Variants in ANAPC1 observed in about 807,000 individuals in gnomAD.
The protein encoded by ANAPC1 is anaphase promoting complex subunit 1, also known as anaphase-promoting complex subunit 1.
A neutral mutation model predicts 208.0 loss-of-function variants in ANAPC1; 36 were observed. The observed-to-expected ratio is 0.17, with a 90% confidence interval of 0.13 to 0.23. The LOEUF is 0.23. Ranked by LOEUF, ANAPC1 falls within the 10% of genes least tolerant of loss-of-function variation. The pLI is 1.00. For missense variants in ANAPC1, 942 were observed against 2,011.6 expected (o/e 0.47, Z 10.17); for synonymous variants, 378 against 695.2 (o/e 0.54, Z 7.18).
intron 3 of ANAPC1, among the ~76,000 whole-genome samples, chr2:111,878,278 C>T (rs1055888034): frequency 3.3e-5 from 5 of 152,222 alleles, no homozygotes; most frequent in African/African-American, 1.2e-4. Flanking sequence ...TCTCTAAGTA[C>T]AAGTTTTCCT....
At chr2:111,851,323 G>C (rs1001712191) in intron 13 of ANAPC1, among the ~76,000 whole-genome samples, 10 of 152,018 alleles carry the variant, frequency 6.6e-5, no homozygotes, top group African/African-American at 2.4e-4. Context: ...GGCTGGTCTT[G>C]AACTTCTGGG....
intron 13 of ANAPC1, among the ~76,000 whole-genome samples, chr2:111,852,770 G>A (rs1445995125): frequency 6.6e-6 from 1 of 151,942 alleles, no homozygotes; most frequent in Non-Finnish European, 1.5e-5. Context: ...AGACAAATAT[G>A]TAACAGAGAC....
At position 111,863,788 on chromosome 2, in the gene ANAPC1, G is replaced by A. The variant is rs150524035; in HGVS notation, c.939C>T (p.Ser313=). 6.2e-7 allele frequency: 1 copy of A among 1,613,820 alleles called. No individual in the cohort carries two copies. The highest frequency in any genetic ancestry group is 1.3e-5 in the African/African-American group (1 of 74,908). Residue 313 remains serine, a synonymous_variant, in exon 9 of 48, where the codon TCC becomes TCT. Coordinates refer to ENST00000341068, the MANE Select transcript of ANAPC1 (RefSeq NM_022662.4). The stretch of plus-strand genomic sequence containing the variant: ...AATTCTGGAAAGGTGAAGTCACAGG[G>A]GAATCTCCTTTGGAGAGGCTTCTGA... ...AHLRSLSKGD[S]PVTSPFQNYS...
intron 6 of ANAPC1, among the ~76,000 whole-genome samples, chr2:111,870,464 C>A (rs1389343897): frequency 1.3e-5 from 2 of 152,156 alleles, no homozygotes; most frequent in Non-Finnish European, 2.9e-5. Flanking sequence ...TTTCTCTGAT[C>A]ATTAGTGATA....
intron 38 of ANAPC1, 83 bp from the exon 39 acceptor site, chr2:111,788,403 G>A: frequency 3.9e-6 from 6 of 1,551,954 alleles, no homozygotes; most frequent in Non-Finnish European, 5.2e-6. Context: ...CAGGAAACTG[G>A]TGTATAATAG....
intron 29 of ANAPC1, among the ~76,000 whole-genome samples, chr2:111,807,648 C>T (rs891271231): frequency 5.9e-5 from 9 of 151,584 alleles, no homozygotes; most frequent in Non-Finnish European, 1.0e-4. Flanking sequence ...GCCAAGATTG[C>T]ACCACTGTAC....
Position 111,856,666 on chromosome 2 carries a change from A to G in ANAPC1, c.1463T>C (p.Met488Thr). Residue 488 changes from methionine (M) to threonine (T), a missense_variant, in exon 13 of 48, where the codon ATG (methionine) becomes ACG (threonine). Met to Thr is a moderately conservative substitution (Grantham distance 81, BLOSUM62 -1). Coordinates refer to ENST00000341068, the MANE Select transcript of ANAPC1 (RefSeq NM_022662.4). ...GTTTCCACTGCCTTCCAAGACCAGC[A>G]TGGTGTCTATTTTCTAAAAAAACAA... ...DAAPVEKIDT[M>T]LVLEGSGNLV... 2 of 1,613,932 alleles carry G rather than the reference A, an allele frequency of 1.2e-6. No homozygotes were observed.
chr2:111,783,267 C>G (rs1677379827), intron 42 of ANAPC1, among the ~76,000 whole-genome samples: 2 of 152,342 alleles, frequency 1.3e-5, no homozygotes, highest in South Asian at 4.1e-4. Flanking sequence ...ACCCAAATCT[C>G]ATGTCAAACT....
Position 111,879,502 on chromosome 2 carries a change from A to C in ANAPC1, c.214-531T>G, listed in dbSNP as rs149134767. ...CCCTCCCCGAGATTTTAGTATCCCAAAGGGATATGACAATGGAATAAGGCA... is the reference window on the plus strand; with the variant it reads ...CCCTCCCCGAGATTTTAGTATCCCACAGGGATATGACAATGGAATAAGGCA... On this transcript the variant is annotated intron_variant, in intron 2 of 47. Transcript: ENST00000341068. Among the ~76,000 whole-genome samples the C allele has an allele frequency of 2.7e-3, 417 of 152,300 alleles. 11 individuals are homozygous for C. In the East Asian group the frequency reaches 0.057, roughly 21 times the overall value.
intron 2 of ANAPC1, among the ~76,000 whole-genome samples, chr2:111,879,576 A>G (rs1331839434): frequency 6.6e-6 from 1 of 152,206 alleles, no homozygotes; most frequent in Non-Finnish European, 1.5e-5. Flanking sequence ...TCCTCTACTT[A>G]AGAACTATTA....
Position 111,811,072 on chromosome 2 carries a change from G to C in ANAPC1, c.3598-1891C>G, listed in dbSNP as rs1298831862. ...GAAGTTCGGCCATCATGTGGGATCA[G>C]AATAAGGTCCTGGGGCAACTAAAGG... On this transcript the variant is annotated intron_variant, in intron 28 of 47. Transcript: ENST00000341068. Among the ~76,000 whole-genome samples, 4 of 152,040 alleles carry C rather than the reference G, an allele frequency of 2.6e-5. No individual in the cohort carries two copies. In the East Asian group the frequency reaches 7.7e-4, roughly 29 times the overall value.
At chr2:111,870,863 G>A (rs1422705842) in intron 6 of ANAPC1, among the ~76,000 whole-genome samples, 1 of 151,992 alleles carries the variant, frequency 6.6e-6, no homozygotes, top group Non-Finnish European at 1.5e-5. Flanking sequence ...ACTGACTTTT[G>A]TATAAGGTGA....
At chr2:111,855,767 A>G (rs1681677614) in intron 13 of ANAPC1, among the ~76,000 whole-genome samples, 1 of 152,232 alleles carries the variant, frequency 6.6e-6, no homozygotes, top group Admixed American at 6.5e-5. Context: ...GATAGGATGC[A>G]ATCACAAAAG....
rs373751262 is a variant in ANAPC1 at position 111,770,832 on chromosome 2, T to C, written c.5720-1426A>G. 4.6e-3 allele frequency among the ~76,000 whole-genome samples: 687 copies of C among 147,980 alleles called. 1 individual carries two copies. Among genetic ancestry groups the C allele is most frequent in the East Asian group, 0.02 (92 of 4,558 alleles). ...ATTCCTTCTATTTTCCTGGAAACAT[T>C]AGACATAGTTATTTTAAGTTCCAGT... On this transcript the variant is annotated intron_variant, in intron 47 of 47. Coordinates refer to ENST00000341068, the MANE Select transcript of ANAPC1 (RefSeq NM_022662.4).
At chr2:111,846,719 G>A (rs78725565) in intron 16 of ANAPC1, among the ~76,000 whole-genome samples, 5 of 151,262 alleles carry the variant, frequency 3.3e-5, no homozygotes, top group East Asian at 1.9e-4. Context: ...ACAGAAGTGC[G>A]CCACCACACC....
intron 26 of ANAPC1, among the ~76,000 whole-genome samples, chr2:111,820,890 G>GA (rs1440551382): frequency 6.7e-6 from 1 of 150,014 alleles, no homozygotes; most frequent in Non-Finnish European, 1.5e-5. Context: ...TCAAGACACA[G>GA]AAAAACAAGT....
chr2:111,876,339 T>C (rs1683026828), intron 3 of ANAPC1, among the ~76,000 whole-genome samples: 1 of 152,242 alleles, frequency 6.6e-6, no homozygotes, highest in Non-Finnish European at 1.5e-5. Flanking sequence ...TACCTGATAT[T>C]ATTTCATAAA....
intron 18 of ANAPC1, among the ~76,000 whole-genome samples, chr2:111,838,081 G>A (rs1331167968): frequency 5.6e-4 from 22 of 39,482 alleles, no homozygotes; most frequent in Non-Finnish European, 1.4e-3. Context: ...GTGATACTCC[G>A]TCTCAAAAAA....
chr2:111,857,594 A>C (rs1303660152), intron 11 of ANAPC1, among the ~76,000 whole-genome samples: 1 of 152,246 alleles, frequency 6.6e-6, no homozygotes, highest in African/African-American at 2.4e-5. Flanking sequence ...TGGTGGGAAT[A>C]TAAAATGATA....
Sources: allele counts gnomAD v4.1 joint callset (sites outside exome capture counted in the v4.1 genomes callset), GRCh38; gene constraint gnomAD v4.1.1; transcripts MANE v1.5; gene names NCBI Gene and HGNC (gene_info 2026-07-23, HGNC 2026-07-21).